Variants in LRGUK observed in about 807,000 individuals in gnomAD.
LRGUK encodes leucine rich repeats and guanylate kinase domain containing, also known as leucine-rich repeat and guanylate kinase domain-containing protein.
A neutral mutation model predicts 76.0 loss-of-function variants in LRGUK; 65 were observed. The observed-to-expected ratio is 0.85, with a 90% CI of 0.70 to 1.05. LRGUK has a LOEUF of 1.05. LRGUK is among the 50% of genes least tolerant of loss of function. The probability of loss-of-function intolerance (pLI) is 0.00; values close to 1 mark genes in which losing one functional copy is unlikely to be tolerated. For missense variants in LRGUK, 758 were observed against 732.8 expected, an observed-to-expected ratio of 1.03 and a Z score of -0.40; for synonymous variants, 268 against 265.6, an observed-to-expected ratio of 1.01 and a Z score of -0.09.
In LRGUK at chr7:134,248,935, A is replaced by T. The variant is rs553666851; in HGVS notation, c.2073-16A>T. 1,734 of 1,341,508 alleles carry T rather than the reference A, an allele frequency of 1.3e-3. 1 individual carries two copies. Among genetic ancestry groups the T allele is most frequent in the South Asian group, 3.3e-3 (164 of 49,680 alleles). 83.1% of individuals were successfully genotyped at this position (1,341,508 alleles called of 1,614,324 possible). On this transcript the variant is annotated splice_polypyrimidine_tract_variant and intron_variant, in intron 17 of 19. Transcript: ENST00000285928. ...AATCCTTTGGTTTTTTTTTTTTTTT[A>T]AATTTCCCATTCCAGGGGTCCAGTA...
intron 5 of LRGUK, among the ~76,000 whole-genome samples, chr7:134,150,852 A>C (rs1351208268): frequency 1.3e-5 from 2 of 148,852 alleles, no homozygotes. Context: ...CATTAGATGT[A>C]GCAATTGAGT....
intron 11 of LRGUK, among the ~76,000 whole-genome samples, chr7:134,191,117 G>T (rs141260866): frequency 1.6e-4 from 25 of 152,278 alleles, no homozygotes; most frequent in African/African-American, 6.0e-4. Flanking sequence ...GGTGGTGGAG[G>T]GGATGGGCCC....
Position 134,236,959 on chromosome 7 carries a change from C to A in LRGUK, c.1984-10597C>A, listed in dbSNP as rs550373330. Among the ~76,000 whole-genome samples, 59 of 150,856 alleles carry A rather than the reference C, an allele frequency of 3.9e-4. 1 individual carries two copies. The South Asian group carries it at 0.012, about 29-fold the overall frequency. On this transcript the variant is annotated intron_variant, in intron 16 of 19. Transcript: ENST00000285928. ...TTTTGTAATTCTATCATTTCATTTT[C>A]TTTTATTAGCTGGAATAATACTATA...
chr7:134,183,701 A>G (rs199904044), intron 10 of LRGUK, 33 bp from the exon 11 acceptor site: 470 of 1,612,526 alleles, frequency 2.9e-4, no homozygotes, highest in Non-Finnish European at 3.5e-4. Flanking sequence ...CCCTGACTGC[A>G]ATAGGAGAAC....
At chr7:134,154,136 A>G (rs1004711002) in intron 5 of LRGUK, among the ~76,000 whole-genome samples, 4 of 152,222 alleles carry the variant, frequency 2.6e-5, no homozygotes, top group African/African-American at 4.8e-5. Context: ...CAGAATCATA[A>G]AAGTTTAGAG....
At chr7:134,235,919 A>G (rs1376025349) in intron 16 of LRGUK, among the ~76,000 whole-genome samples, 2 of 152,178 alleles carry the variant, frequency 1.3e-5, no homozygotes, top group Non-Finnish European at 2.9e-5. Context: ...TGTCAATATT[A>G]TATTTTTATT....
intron 7 of LRGUK, among the ~76,000 whole-genome samples, chr7:134,165,950 T>C (rs1798961158): frequency 6.6e-6 from 1 of 152,166 alleles, no homozygotes; most frequent in Admixed American, 6.5e-5. Context: ...GAAAAAAAAG[T>C]GGCCACGTGT....
intron 16 of LRGUK, among the ~76,000 whole-genome samples, chr7:134,243,554 A>G (rs2117197951): frequency 6.6e-6 from 1 of 152,302 alleles, no homozygotes; most frequent in Non-Finnish European, 1.5e-5. Flanking sequence ...ATAAAAGAGG[A>G]CACAAACAAA....
intron 7 of LRGUK, among the ~76,000 whole-genome samples, chr7:134,169,133 GACACACACACACACACACACAC>G (rs36204942): frequency 0.45 from 60,940 of 135,504 alleles, 13,907 homozygotes; most frequent in African/African-American, 0.53. Context: ...AAGGGAAGAA[GACACACACACACACACACACAC>G]ACACACACAC....
At chr7:134,192,384 A>G (rs1469645570) in intron 12 of LRGUK, among the ~76,000 whole-genome samples, 1 of 152,208 alleles carries the variant, frequency 6.6e-6, no homozygotes, top group Non-Finnish European at 1.5e-5. Context: ...TTTGAGGACT[A>G]TGTTTTTACA....
chr7:134,135,778 C>G (rs528056161), intron 1 of LRGUK, among the ~76,000 whole-genome samples: 1 of 152,300 alleles, frequency 6.6e-6, no homozygotes, highest in East Asian at 1.9e-4. Context: ...GCCTCAGCCT[C>G]CTGAGTAGCT....
intron 5 of LRGUK, among the ~76,000 whole-genome samples, chr7:134,150,237 TGC>T (rs1195333510): frequency 6.6e-6 from 1 of 150,622 alleles, no homozygotes. Flanking sequence ...ATGGCGCCAC[TGC>T]ACTCCAGCCT....
At chr7:134,227,370 C>T (rs533561113) in intron 16 of LRGUK, among the ~76,000 whole-genome samples, 2 of 152,296 alleles carry the variant, frequency 1.3e-5, no homozygotes, top group Admixed American at 1.3e-4. Flanking sequence ...ATAGGAGCCA[C>T]AGTTAAAGTA....
intron 2 of LRGUK, 92 bp downstream of exon 2, chr7:134,137,222 C>G (rs1797576234): frequency 2.2e-6 from 2 of 913,028 alleles, no homozygotes; most frequent in South Asian, 1.6e-5. Flanking sequence ...TTTGTGGTGA[C>G]AGCAAATCTT....
chr7:134,236,640 T>C (rs920608998), intron 16 of LRGUK, among the ~76,000 whole-genome samples: 1 of 152,228 alleles, frequency 6.6e-6, no homozygotes, highest in Non-Finnish European at 1.5e-5. Flanking sequence ...AAAAGGTAGA[T>C]AACATCTGTT....
At chr7:134,245,245 TATACTC>T (rs1381482870) in intron 16 of LRGUK, among the ~76,000 whole-genome samples, 1 of 152,198 alleles carries the variant, frequency 6.6e-6, no homozygotes, top group Non-Finnish European at 1.5e-5. Flanking sequence ...TATGACTTCT[TATACTC>T]AAACACTACT....
chr7:134,251,701 G>A (rs1307465357), intron 18 of LRGUK, among the ~76,000 whole-genome samples: 1 of 151,984 alleles, frequency 6.6e-6, no homozygotes, highest in Non-Finnish European at 1.5e-5. Context: ...TTGGGTTATT[G>A]CATTTTTCGC....
chr7:134,228,415 A>G (rs1314407973), intron 16 of LRGUK, among the ~76,000 whole-genome samples: 1 of 152,188 alleles, frequency 6.6e-6, no homozygotes, highest in Non-Finnish European at 1.5e-5. Flanking sequence ...AATGAAGAAC[A>G]AGACAAAGGG....
intron 17 of LRGUK, 57 bp from the exon 18 acceptor site, chr7:134,248,894 C>A (rs1234292022): frequency 1.5e-6 from 2 of 1,333,420 alleles, no homozygotes. Context: ...TGTGTGTACA[C>A]TTGGTATCTT....
Sources: allele counts gnomAD v4.1 joint callset (sites outside exome capture counted in the v4.1 genomes callset), GRCh38; gene constraint gnomAD v4.1.1; transcripts MANE v1.5; gene names NCBI Gene and HGNC (gene_info 2026-07-23, HGNC 2026-07-21).